Variants in ATRN observed in about 807,000 individuals in gnomAD.
ATRN encodes attractin-2.
ATRN carries 54 observed loss-of-function variants against 178.7 expected under a neutral mutation model. That is an observed-to-expected ratio of 0.30 (90% CI 0.24 to 0.38). ATRN has a LOEUF of 0.38. Among genes scored for constraint, ATRN ranks in the 10% least tolerant of loss-of-function variants. The probability of loss-of-function intolerance (pLI) is 1.00; values close to 1 mark genes in which losing one functional copy is unlikely to be tolerated. For synonymous variants in ATRN, 636 were observed against 663.0 expected, an observed-to-expected ratio of 0.96 and a Z score of 0.63; for missense variants, 1,443 against 1,815.1, an observed-to-expected ratio of 0.79 and a Z score of 3.73.
At chr20:3,517,981 A>G (rs1223595756) in intron 1 of ATRN, among the ~76,000 whole-genome samples, 2 of 152,154 alleles carry the variant, frequency 1.3e-5, no homozygotes, top group African/African-American at 4.8e-5. Flanking sequence ...AAGCATTGCT[A>G]CTTATCTATA....
chr20:3,619,844 C>T lies in ATRN; in HGVS notation c.3802-4667C>T, dbSNP rs192915551. Among the ~76,000 whole-genome samples the T allele has an allele frequency of 5.9e-5, 9 of 152,312 alleles. No individual in the cohort carries two copies. In the East Asian group the frequency reaches 1.7e-3, roughly 29 times the overall value. On this transcript the variant is annotated intron_variant, in intron 24 of 28. Transcript: ENST00000262919. ...AGTCGCTGACTGCTGCGCCCGATTC[C>T]CTGGCCCCTCACTCTTGAGGGCAGC...
intron 3 of ATRN, among the ~76,000 whole-genome samples, chr20:3,543,550 C>T (rs571846280): frequency 2.6e-4 from 40 of 151,842 alleles, no homozygotes; most frequent in Middle Eastern, 3.4e-3. Context: ...GGTGAAACCC[C>T]GTCTCTACTA....
intron 27 of ATRN, among the ~76,000 whole-genome samples, chr20:3,642,799 AGGTACT>A (rs1250719363): frequency 6.6e-6 from 1 of 152,174 alleles, no homozygotes; most frequent in African/African-American, 2.4e-5. Context: ...ACACTACTCT[AGGTACT>A]GCTAGAGGGA....
intron 17 of ATRN, 27 bp downstream of exon 17, chr20:3,584,110 C>T: frequency 6.2e-7 from 1 of 1,607,312 alleles, no homozygotes; most frequent in Non-Finnish European, 8.5e-7. Context: ...GCCCTAGGCA[C>T]TTATGCATGC....
At chr20:3,596,804 A>G (rs1159303145) in intron 21 of ATRN, among the ~76,000 whole-genome samples, 1 of 152,066 alleles carries the variant, frequency 6.6e-6, no homozygotes, top group Non-Finnish European at 1.5e-5. Flanking sequence ...ATATGGTTGA[A>G]CTTTTTGTCA....
intron 3 of ATRN, among the ~76,000 whole-genome samples, chr20:3,543,799 G>A (rs553774725): frequency 1.1e-3 from 166 of 152,146 alleles, no homozygotes; most frequent in African/African-American, 3.7e-3. Context: ...TTGTGAGGCC[G>A]AGGCAGGAGA....
chr20:3,552,764 C>T (rs2085807994), intron 6 of ATRN, among the ~76,000 whole-genome samples: 2 of 152,164 alleles, frequency 1.3e-5, no homozygotes, highest in Admixed American at 1.3e-4. Context: ...CAGCTTTCTG[C>T]TGGCTATTGA....
rs2087137406 is a variant in ATRN, at chr20:3,650,357, T to C, written c.*3510T>C. 6.6e-6 allele frequency: 1 copy of C among 152,668 alleles called. No individual in the cohort carries two copies. The highest frequency in any genetic ancestry group is 1.5e-5 in the Non-Finnish European group (1 of 68,048). The allele number at this position is 152,668 out of a possible 1,614,324, so 9.5% of individuals were successfully genotyped here. A position where few individuals can be genotyped will look rare whatever the true frequency, so the allele number is the denominator to read the frequency against. On this transcript the variant is annotated 3_prime_UTR_variant, in exon 29 of 29. Transcript: ENST00000262919. The stretch of plus-strand genomic sequence containing the variant: ...CTAACTTAAGCTAATGCTAGGGTAG[T>C]GACTGAGATGTAAAAATAGATTTTA...
At chr20:3,597,768 T>C (rs1473106831) in intron 21 of ATRN, 138 bp from the exon 22 acceptor site, 1 of 558,662 alleles carries the variant, frequency 1.8e-6, no homozygotes, top group African/African-American at 1.9e-5. Context: ...CTTGATTTTC[T>C]TTGAGGAACC....
At chr20:3,545,211 A>G (rs2085682229) in intron 3 of ATRN, among the ~76,000 whole-genome samples, 1 of 151,990 alleles carries the variant, frequency 6.6e-6, no homozygotes, top group South Asian at 2.1e-4. Flanking sequence ...TACTAAAACT[A>G]TAAAAAATTA....
chr20:3,557,650 GACTAAATA>G (rs1191839948), intron 6 of ATRN, among the ~76,000 whole-genome samples: 1 of 152,148 alleles, frequency 6.6e-6, no homozygotes, highest in African/African-American at 2.4e-5. Flanking sequence ...TAAAATTCAG[GACTAAATA>G]ACTATGGAAT....
At chr20:3,570,425 T>C (rs1391232756) in intron 11 of ATRN, among the ~76,000 whole-genome samples, 1 of 152,194 alleles carries the variant, frequency 6.6e-6, no homozygotes, top group Non-Finnish European at 1.5e-5. Context: ...CAAGATCACT[T>C]CATAGGTTTA....
At chr20:3,626,547 T>C (rs2086941485) in intron 25 of ATRN, among the ~76,000 whole-genome samples, 1 of 152,154 alleles carries the variant, frequency 6.6e-6, no homozygotes, top group African/African-American at 2.4e-5. Flanking sequence ...AGGCTTCTTA[T>C]TTCTTCTCTG....
chr20:3,524,535 G>A (rs990529850), intron 1 of ATRN, among the ~76,000 whole-genome samples: 5 of 152,110 alleles, frequency 3.3e-5, no homozygotes, highest in Admixed American at 2.6e-4. Flanking sequence ...GGATATTCAG[G>A]ACTTGAACTC....
At chr20:3,540,421 CT>C in intron 3 of ATRN, 86 bp downstream of exon 3, 1 of 816,664 alleles carries the variant, frequency 1.2e-6, no homozygotes, top group Non-Finnish European at 2.0e-6. Flanking sequence ...CTGGGTTCAC[CT>C]TTATTATCAC....
chr20:3,649,039 T>A lies in ATRN; in HGVS notation c.*2192T>A, dbSNP rs557834251. Reference sequence around the variant, plus strand: ...TTTCCTAAAAGATAATGTTTATTTTTAAAAAGGAAGGAAGGAGCAAGTGAA... The same window carrying A: ...TTTCCTAAAAGATAATGTTTATTTTAAAAAAGGAAGGAAGGAGCAAGTGAA... On this transcript the variant is annotated 3_prime_UTR_variant, in exon 29 of 29. Transcript: ENST00000262919. 4.6e-5 allele frequency: 7 copies of A among 152,322 alleles called. No homozygotes were observed. The East Asian group carries it at 1.2e-3, about 25-fold the overall frequency. 9.4% of individuals were successfully genotyped at this position (152,322 alleles called of 1,614,324 possible).
Position 3,650,968 on chromosome 20 carries a change from G to A in ATRN, c.*4121G>A, listed in dbSNP as rs533361905. Reference sequence around the variant, plus strand: ...GGACTGCAATTTTTTGGTATTTTTTGTATTGTAAAATAACAGCTAATTTAA... The same window carrying A: ...GGACTGCAATTTTTTGGTATTTTTTATATTGTAAAATAACAGCTAATTTAA... On this transcript the variant is annotated 3_prime_UTR_variant, in exon 29 of 29. Coordinates refer to ENST00000262919, the MANE Select transcript of ATRN (RefSeq NM_139321.3). 6.6e-6 allele frequency: 1 copy of A among 152,654 alleles called. No individual in the cohort carries two copies. Among genetic ancestry groups the A allele is most frequent in the South Asian group, 2.1e-4 (1 of 4,826 alleles). The allele number at this position is 152,654 out of a possible 1,614,324, so 9.5% of individuals were successfully genotyped here.
At chr20:3,568,947 A>G (rs899429844) in intron 11 of ATRN, among the ~76,000 whole-genome samples, 6 of 152,206 alleles carry the variant, frequency 3.9e-5, no homozygotes, top group Admixed American at 6.5e-5. Flanking sequence ...TAGATACATC[A>G]TGGAAGGGAC....
chr20:3,509,021 A>G (rs2085085419), intron 1 of ATRN, among the ~76,000 whole-genome samples: 1 of 152,254 alleles, frequency 6.6e-6, no homozygotes, highest in African/African-American at 2.4e-5. Context: ...TAGTTTATAA[A>G]GAAAAAAATG....
Sources: gnomAD v4.1 joint callset for allele counts (sites outside exome capture counted in the v4.1 genomes callset) on GRCh38, gnomAD v4.1.1 for gene constraint, MANE v1.5 for transcripts, NCBI Gene and HGNC (gene_info 2026-07-23, HGNC 2026-07-21) for gene names.